Variants in SHISA9 observed in about 807,000 individuals in gnomAD.
The protein encoded by SHISA9 is protein shisa-9.
Under a neutral mutation model 38.0 loss-of-function variants are expected in SHISA9, and 13 were observed. That is an observed-to-expected ratio of 0.34 (90% confidence interval 0.22 to 0.54). SHISA9 has a LOEUF of 0.54. Ranked by LOEUF, SHISA9 falls within the 20% of genes least tolerant of loss-of-function variation. SHISA9 has a pLI of 0.91. For synonymous variants in SHISA9, 275 were observed against 242.0 expected, an observed-to-expected ratio of 1.14 and a Z score of -1.27; for missense variants, 538 against 575.8, an observed-to-expected ratio of 0.93 and a Z score of 0.67.
At chr16:13,032,933 A>G (rs2073009390) in intron 2 of SHISA9, among the ~76,000 whole-genome samples, 1 of 152,190 alleles carries the variant, frequency 6.6e-6, no homozygotes, top group Non-Finnish European at 1.5e-5. Flanking sequence ...TCAGAGCGAG[A>G]TCAAGGAACT....
chr16:13,322,573 G>T, the SHISA9 span, among the ~76,000 whole-genome samples: 4 of 152,142 alleles, frequency 2.6e-5, no homozygotes, highest in Admixed American at 2.6e-4. Context: ...TGCTAAGGAG[G>T]CTAGTCAAGG....
the SHISA9 span, among the ~76,000 whole-genome samples, chr16:13,387,603 T>C: frequency 6.6e-6 from 1 of 151,822 alleles, no homozygotes; most frequent in Non-Finnish European, 1.5e-5. Flanking sequence ...GATTCTCCTG[T>C]CTCAGACTCC....
At chr16:13,448,270 G>A in the SHISA9 span, among the ~76,000 whole-genome samples, 4 of 152,196 alleles carry the variant, frequency 2.6e-5, no homozygotes, top group Non-Finnish European at 5.9e-5. Context: ...TTATTCCAGT[G>A]CAAAAGGCCA....
chr16:13,485,976 T>C, the SHISA9 span, among the ~76,000 whole-genome samples: 1 of 152,216 alleles, frequency 6.6e-6, no homozygotes, highest in Non-Finnish European at 1.5e-5. Context: ...AATTTTGTTA[T>C]TTTTTATGGT....
chr16:13,102,536 C>G (rs2073888864), intron 2 of SHISA9, among the ~76,000 whole-genome samples: 1 of 152,208 alleles, frequency 6.6e-6, no homozygotes, highest in Admixed American at 6.5e-5. Flanking sequence ...TTTGTCCCAT[C>G]TGATGTCCTA....
At chr16:13,123,561 A>G (rs1164667411) in intron 2 of SHISA9, among the ~76,000 whole-genome samples, 2 of 152,260 alleles carry the variant, frequency 1.3e-5, no homozygotes, top group Non-Finnish European at 2.9e-5. Flanking sequence ...AGATAAGGTG[A>G]TGGTGGATTC....
chr16:13,322,689 C>G, the SHISA9 span, among the ~76,000 whole-genome samples: 1 of 152,142 alleles, frequency 6.6e-6, no homozygotes, highest in Admixed American at 6.5e-5. Flanking sequence ...CTCTCGCATC[C>G]CCATCCATCC....
intron 4 of SHISA9, among the ~76,000 whole-genome samples, chr16:13,217,714 G>A (rs1049250603): frequency 5.3e-5 from 8 of 152,162 alleles, no homozygotes; most frequent in Non-Finnish European, 1.0e-4. Context: ...TAGTCATCCT[G>A]ATGGAATCTT....
chr16:13,170,668 G>A (rs2050678224), intron 2 of SHISA9, among the ~76,000 whole-genome samples: 1 of 151,590 alleles, frequency 6.6e-6, no homozygotes, highest in South Asian at 2.1e-4. Flanking sequence ...TTGTTTGTTT[G>A]TTTTTTGAGA....
intron 2 of SHISA9, among the ~76,000 whole-genome samples, chr16:13,191,787 T>G (rs2050887918): frequency 6.6e-6 from 1 of 152,208 alleles, no homozygotes; most frequent in Non-Finnish European, 1.5e-5. Context: ...AGATGAAGAA[T>G]GTCCCTGGGC....
chr16:13,389,705 G>A, the SHISA9 span, among the ~76,000 whole-genome samples: 2 of 152,262 alleles, frequency 1.3e-5, no homozygotes, highest in South Asian at 2.1e-4. Context: ...GGCTCACAAT[G>A]ATGTACTCCA....
chr16:13,191,092 A>T (rs1275267395), intron 2 of SHISA9, among the ~76,000 whole-genome samples: 1 of 152,212 alleles, frequency 6.6e-6, no homozygotes, highest in Non-Finnish European at 1.5e-5. Flanking sequence ...GTGGACAGAA[A>T]AAAACCTACA....
At chr16:13,097,501 A>G (rs370124799) in intron 2 of SHISA9, among the ~76,000 whole-genome samples, 3 of 152,042 alleles carry the variant, frequency 2.0e-5, no homozygotes, top group African/African-American at 7.3e-5. Flanking sequence ...TGATAGCTCA[A>G]GTGATCCCCC....
At chr16:13,549,813 A>C in the SHISA9 span, among the ~76,000 whole-genome samples, 1 of 152,120 alleles carries the variant, frequency 6.6e-6, no homozygotes, top group Non-Finnish European at 1.5e-5. Flanking sequence ...TCACAAGGTC[A>C]GGAGTTCAAG....
At chr16:12,964,646 C>T (rs543714681) in intron 2 of SHISA9, among the ~76,000 whole-genome samples, 1 of 151,942 alleles carries the variant, frequency 6.6e-6, no homozygotes, top group Non-Finnish European at 1.5e-5. Context: ...CAATCTGGCC[C>T]GAGACAGAAA....
intron 2 of SHISA9, among the ~76,000 whole-genome samples, chr16:13,026,504 T>C (rs2072924006): frequency 1.3e-5 from 2 of 152,248 alleles, no homozygotes; most frequent in Admixed American, 1.3e-4. Flanking sequence ...CGTTTCTGTA[T>C]CTTAGCTTTT....
the SHISA9 span, among the ~76,000 whole-genome samples, chr16:13,439,875 T>G: frequency 1.3e-5 from 2 of 151,984 alleles, no homozygotes; most frequent in Non-Finnish European, 2.9e-5. Flanking sequence ...CAGCTGGGAG[T>G]CAACTCTGCT....
chr16:13,110,980 T>C (rs1450928181), intron 2 of SHISA9, among the ~76,000 whole-genome samples: 1 of 152,194 alleles, frequency 6.6e-6, no homozygotes, highest in East Asian at 1.9e-4. Flanking sequence ...GATGTGAAAC[T>C]GGCTAGCCAT....
intron 2 of SHISA9, among the ~76,000 whole-genome samples, chr16:13,066,328 T>G (rs2073434472): frequency 6.6e-6 from 1 of 152,242 alleles, no homozygotes; most frequent in African/African-American, 2.4e-5. Flanking sequence ...GAATTCTGAC[T>G]GATACAATAG....
Sources: allele counts gnomAD v4.1 joint callset (sites outside exome capture counted in the v4.1 genomes callset), GRCh38; gene constraint gnomAD v4.1.1; transcripts MANE v1.5; gene names NCBI Gene and HGNC (gene_info 2026-07-23, HGNC 2026-07-21).